SSBP2: variants seen among roughly 807,000 people sequenced by gnomAD.
The protein encoded by SSBP2 is single stranded DNA binding protein 2.
Under a neutral mutation model 61.8 loss-of-function variants are expected in SSBP2, and 17 were observed. The observed-to-expected ratio is 0.28, with a 90% confidence interval of 0.19 to 0.41. SSBP2 has a LOEUF of 0.41. SSBP2 is among the 10% of genes least tolerant of loss of function. The pLI, the probability that SSBP2 is intolerant of heterozygous loss-of-function variation, is 1.00. For synonymous variants in SSBP2, 139 were observed against 141.3 expected (o/e 0.98, Z 0.12); for missense variants, 310 against 458.7 (o/e 0.68, Z 2.96).
intron 6 of SSBP2, among the ~76,000 whole-genome samples, chr5:81,478,791 T>G (rs923665202): frequency 1.3e-5 from 2 of 152,148 alleles, no homozygotes; most frequent in Admixed American, 6.5e-5. Context: ...TTTTTTTAAG[T>G]CTCCAAATGG....
At chr5:81,609,986 C>T (rs1745287206) in intron 4 of SSBP2, among the ~76,000 whole-genome samples, 1 of 152,188 alleles carries the variant, frequency 6.6e-6, no homozygotes, top group Admixed American at 6.5e-5. Flanking sequence ...CATTGCTCAA[C>T]AAAATTCTTC....
chr5:81,748,864 G>C (rs1330843230), intron 1 of SSBP2, among the ~76,000 whole-genome samples: 1 of 152,116 alleles, frequency 6.6e-6, no homozygotes, highest in Admixed American at 6.5e-5. Flanking sequence ...CCACAGTTAT[G>C]CAAGTTCCAA....
At chr5:81,705,826 T>C (rs1754340195) in intron 1 of SSBP2, among the ~76,000 whole-genome samples, 1 of 152,106 alleles carries the variant, frequency 6.6e-6, no homozygotes, top group Non-Finnish European at 1.5e-5. Context: ...GTATGTTATA[T>C]TAAAAAGTCA....
At chr5:81,740,306 G>GT (rs1756926543) in intron 1 of SSBP2, among the ~76,000 whole-genome samples, 1 of 147,802 alleles carries the variant, frequency 6.8e-6, no homozygotes, top group African/African-American at 2.5e-5. Context: ...TTAATCCAGG[G>GT]TAAAAAAAAA....
intron 4 of SSBP2, among the ~76,000 whole-genome samples, chr5:81,591,860 C>T (rs1183341658): frequency 6.6e-6 from 1 of 152,124 alleles, no homozygotes; most frequent in Admixed American, 6.5e-5. Context: ...GAGGAGGAGC[C>T]AAGATGGCCG....
intron 1 of SSBP2, among the ~76,000 whole-genome samples, chr5:81,702,111 G>A (rs1754026034): frequency 1.3e-5 from 2 of 152,082 alleles, no homozygotes; most frequent in South Asian, 4.1e-4. Context: ...GGCAGCTCAC[G>A]CCTGTAATCC....
chr5:81,705,564 C>T (rs1754314687), intron 1 of SSBP2, among the ~76,000 whole-genome samples: 1 of 151,950 alleles, frequency 6.6e-6, no homozygotes, highest in Non-Finnish European at 1.5e-5. Context: ...AGCCAATTAA[C>T]TACATCGCAA....
chr5:81,685,876 A>G (rs1368078381), intron 1 of SSBP2, among the ~76,000 whole-genome samples: 1 of 152,240 alleles, frequency 6.6e-6, no homozygotes, highest in Non-Finnish European at 1.5e-5. Context: ...GAAATAATGC[A>G]CAAAGAATAT....
chr5:81,723,426 A>G (rs1026235656), intron 1 of SSBP2, among the ~76,000 whole-genome samples: 1 of 151,976 alleles, frequency 6.6e-6, no homozygotes, highest in African/African-American at 2.4e-5. Context: ...ATAAAAACAT[A>G]AAGAATAGTT....
At chr5:81,685,431 AT>A (rs1265384588) in intron 1 of SSBP2, among the ~76,000 whole-genome samples, 3 of 152,176 alleles carry the variant, frequency 2.0e-5, no homozygotes, top group African/African-American at 7.2e-5. Flanking sequence ...CACATGTAAG[AT>A]ATGGATAATC....
chr5:81,569,153 T>G (rs1190135434), intron 4 of SSBP2, among the ~76,000 whole-genome samples: 1 of 152,188 alleles, frequency 6.6e-6, no homozygotes, highest in Admixed American at 6.5e-5. Context: ...ATGGTTATAT[T>G]TTTAAATTTT....
intron 1 of SSBP2, among the ~76,000 whole-genome samples, chr5:81,731,113 A>G (rs896324133): frequency 1.3e-5 from 2 of 152,196 alleles, no homozygotes; most frequent in African/African-American, 4.8e-5. Flanking sequence ...AAATACTGAA[A>G]TGCGTGCCCT....
intron 4 of SSBP2, among the ~76,000 whole-genome samples, chr5:81,583,378 C>T (rs1029245071): frequency 1.5e-4 from 22 of 151,292 alleles, no homozygotes; most frequent in African/African-American, 4.6e-4. Context: ...GCTTGTAATC[C>T]CAGCACTTTG....
At chr5:81,479,509 C>T (rs1304345836) in intron 6 of SSBP2, among the ~76,000 whole-genome samples, 1 of 152,042 alleles carries the variant, frequency 6.6e-6, no homozygotes, top group African/African-American at 2.4e-5. Context: ...CCAGGCTGGT[C>T]TTGAACTCCT....
chr5:81,439,496 T>G (rs904329843), intron 14 of SSBP2, among the ~76,000 whole-genome samples: 2 of 137,522 alleles, frequency 1.5e-5, no homozygotes, highest in African/African-American at 6.4e-5. Flanking sequence ...TTATAAAGTA[T>G]GTTTTCTTTT....
At chr5:81,560,700 A>C (rs1187390664) in intron 4 of SSBP2, among the ~76,000 whole-genome samples, 1 of 152,186 alleles carries the variant, frequency 6.6e-6, no homozygotes, top group Non-Finnish European at 1.5e-5. Context: ...TTTCATGTCT[A>C]AGTAGTTTTC....
intron 5 of SSBP2, among the ~76,000 whole-genome samples, chr5:81,497,002 G>C (rs1767339750): frequency 6.6e-6 from 1 of 152,166 alleles, no homozygotes; most frequent in African/African-American, 2.4e-5. Flanking sequence ...ACTCAAACAT[G>C]AAAGGTGAAA....
At chr5:81,504,300 A>G (rs1362183344) in intron 5 of SSBP2, among the ~76,000 whole-genome samples, 3 of 152,140 alleles carry the variant, frequency 2.0e-5, no homozygotes, top group Admixed American at 6.5e-5. Flanking sequence ...ACTAATCTCC[A>G]TGTGCAGCCA....
chr5:81,482,292 G>C (rs1401187198), intron 6 of SSBP2, among the ~76,000 whole-genome samples: 1 of 152,090 alleles, frequency 6.6e-6, no homozygotes, highest in Non-Finnish European at 1.5e-5. Flanking sequence ...TGGTACATGA[G>C]CACTGGCTTC....
Sources: allele counts gnomAD v4.1 joint callset (sites outside exome capture counted in the v4.1 genomes callset), GRCh38; gene constraint gnomAD v4.1.1; transcripts MANE v1.5; gene names NCBI Gene and HGNC (gene_info 2026-07-23, HGNC 2026-07-21).